BNIP5: variants seen among roughly 807,000 people sequenced by gnomAD.
BNIP5 encodes the protein BCL2 interacting protein 5.
BNIP5 carries 61 observed loss-of-function variants against 67.3 expected under a neutral mutation model. That is an observed-to-expected ratio of 0.91 (90% CI 0.74 to 1.12). The LOEUF is 1.12. Ranked by LOEUF, BNIP5 falls within the 50% of genes most tolerant of loss-of-function variation. The probability of loss-of-function intolerance (pLI) is 0.00; values close to 1 mark genes in which losing one functional copy is unlikely to be tolerated. For missense variants in BNIP5, 826 were observed against 816.3 expected, an observed-to-expected ratio of 1.01 and a Z score of -0.14; for synonymous variants, 317 against 319.0, an observed-to-expected ratio of 0.99 and a Z score of 0.07.
At chr6:36,329,441 A>G (rs1771834653) in intron 2 of BNIP5, among the ~76,000 whole-genome samples, 1 of 152,222 alleles carries the variant, frequency 6.6e-6, no homozygotes, top group Admixed American at 6.5e-5. Flanking sequence ...TCCCTGGGCC[A>G]CACAGCTTGT....
Position 36,316,773 on chromosome 6 carries a change from T to A in BNIP5, c.*583A>T, listed in dbSNP as rs1445145529. ...ATGACAGGACACAGGGTTAGAAGGA[T>A]TCTGAGAGACCAAGTGTCCCCAGTC... On this transcript the variant is annotated 3_prime_UTR_variant, in exon 12 of 12. Transcript: ENST00000437635. 1 of 399,386 alleles carries A rather than the reference T, an allele frequency of 2.5e-6. No individual in the cohort carries two copies. Among genetic ancestry groups the A allele is most frequent in the Non-Finnish European group, 4.4e-6 (1 of 226,728 alleles). The allele number at this position is 399,386 out of a possible 1,614,324, so 24.7% of individuals were successfully genotyped here.
chr6:36,321,673 G>A (rs138842476), intron 9 of BNIP5, among the ~76,000 whole-genome samples: 3 of 152,284 alleles, frequency 2.0e-5, no homozygotes, highest in Admixed American at 6.5e-5. Flanking sequence ...GGGCCTACTC[G>A]TACTAAGTTT....
At chr6:36,324,052 A>G in intron 7 of BNIP5, 77 bp downstream of exon 7, 1 of 1,029,874 alleles carries the variant, frequency 9.7e-7, no homozygotes, top group African/African-American at 1.6e-5. Context: ...AGCAGCAGAG[A>G]CAGGGAAGTT....
chr6:36,326,997 A>G (rs1469373665), intron 4 of BNIP5, 33 bp downstream of exon 4: 13 of 1,590,424 alleles, frequency 8.2e-6, no homozygotes, highest in Non-Finnish European at 1.0e-5. Flanking sequence ...GAAGGCAGAG[A>G]GCCCCTGGAG....
At position 36,325,337 on chromosome 6, in the gene BNIP5, A is replaced by G. The variant is rs1771737459; in HGVS notation, c.1114T>C (p.Ser372Pro). The G allele has an allele frequency of 5.6e-6, 9 of 1,614,110 alleles. No homozygotes were observed. The highest frequency in any genetic ancestry group is 5.9e-6 in the Non-Finnish European group (7 of 1,180,004). ...APGPSVLPTP[S>P]ESQEPGEELP... is the part of the protein sequence containing the mutation. ...TCCTCTCCAGGTTCCTGGCTCTCTG[A>G]TGGGGTGGGAAGCACGGAGGGACCT... is the stretch of plus-strand genomic sequence containing the variant. Residue 372 changes from serine (S) to proline (P), a missense_variant, in exon 6 of 12, where the codon TCA becomes CCA. Ser to Pro is a moderately conservative substitution (Grantham distance 74, BLOSUM62 -1). Transcript: ENST00000437635.
intron 3 of BNIP5, among the ~76,000 whole-genome samples, chr6:36,327,832 G>A (rs1322526874): frequency 6.7e-6 from 1 of 149,076 alleles, no homozygotes; most frequent in Non-Finnish European, 1.5e-5. Context: ...CTGTCTGTGG[G>A]TTTGCTTTTT....
intron 11 of BNIP5, among the ~76,000 whole-genome samples, chr6:36,317,764 T>C (rs1771551865): frequency 6.6e-6 from 1 of 152,192 alleles, no homozygotes; most frequent in Non-Finnish European, 1.5e-5. Flanking sequence ...CACAGCCCTT[T>C]GCACAACTAA....
chr6:36,332,549 T>C (rs532019577), intron 1 of BNIP5, among the ~76,000 whole-genome samples: 2 of 152,354 alleles, frequency 1.3e-5, no homozygotes, highest in African/African-American at 4.8e-5. Context: ...AATGAATAGA[T>C]GTATAACACA....
chr6:36,320,153 T>C (rs748431211), intron 10 of BNIP5, among the ~76,000 whole-genome samples: 1 of 152,178 alleles, frequency 6.6e-6, no homozygotes, highest in Non-Finnish European at 1.5e-5. Flanking sequence ...TCCAACAAGC[T>C]CCTTTCTCTT....
At chr6:36,319,688 T>G in intron 10 of BNIP5, 78 bp from the exon 11 acceptor site, 1 of 1,530,536 alleles carries the variant, frequency 6.5e-7, no homozygotes. Flanking sequence ...CACAACTCCA[T>G]GCAGCCAGGC....
At chr6:36,319,297 A>C in intron 11 of BNIP5, 59 bp downstream of exon 11, 2 of 1,590,548 alleles carry the variant, frequency 1.3e-6, no homozygotes, top group Non-Finnish European at 1.7e-6. Flanking sequence ...ACTGGAGGCC[A>C]GCTGTGAGCC....
At chr6:36,329,613 C>T (rs1055909122) in intron 2 of BNIP5, among the ~76,000 whole-genome samples, 1 of 152,132 alleles carries the variant, frequency 6.6e-6, no homozygotes, top group African/African-American at 2.4e-5. Context: ...GAGTTCAAGA[C>T]CAGCCTGGCC....
chr6:36,335,289 T>C (rs779763046), intron 1 of BNIP5, among the ~76,000 whole-genome samples: 3 of 152,120 alleles, frequency 2.0e-5, no homozygotes, highest in Non-Finnish European at 4.4e-5. Context: ...ACTTCGCGGC[T>C]CCCCTTCTCC....
In BNIP5 at chr6:36,330,365, C is replaced by T. The variant is rs373713570; in HGVS notation, c.326G>A (p.Arg109Lys). 28 of 1,614,076 alleles carry T rather than the reference C, an allele frequency of 1.7e-5. No individual in the cohort carries two copies. The highest frequency in any genetic ancestry group is 2.3e-5 in the Non-Finnish European group (27 of 1,180,050). Residue 109 changes from arginine (R) to lysine (K), a missense_variant, in exon 2 of 12, where the codon AGG (arginine) becomes AAG (lysine). Physicochemically the swap from Arg to Lys is conservative, Grantham distance 26. Transcript: ENST00000437635. ...WLKTMLNFFV[R>K]TGPEEPREKA... ...TTCTCTGGGCTCCTCAGGGCCCGTC[C>T]TCACGAAGAAGTTCAGCATGGTCTT...
At chr6:36,325,043 T>G (rs1771730407) in intron 6 of BNIP5, among the ~76,000 whole-genome samples, 1 of 152,124 alleles carries the variant, frequency 6.6e-6, no homozygotes, top group South Asian at 2.1e-4. Context: ...CTTTCCTCCC[T>G]TTGCCTCCTG....
chr6:36,323,512 C>T lies in BNIP5; in HGVS notation c.1252G>A (p.Glu418Lys), dbSNP rs1340303015. 1.9e-6 allele frequency: 3 copies of T among 1,614,172 alleles called. No homozygotes were observed. Among genetic ancestry groups the T allele is most frequent in the Non-Finnish European group, 2.5e-6 (3 of 1,180,032 alleles). The change falls in exon 8 of 12, where the codon GAG becomes AAG. Residue 418 changes from glutamate to lysine, a missense_variant. By Grantham distance (56) the Glu-to-Lys change is moderately conservative. Transcript: ENST00000437635. ...GEEQPQVQQE[E>K]VGVENPAPHC... Reference sequence around the variant, plus strand: ...GGGGCCGGGTTTTCTACACCCACCTCTTCCTGCTGGACTTGAGGTTGCTGT... The same window carrying T: ...GGGGCCGGGTTTTCTACACCCACCTTTTCCTGCTGGACTTGAGGTTGCTGT...
In BNIP5 at chr6:36,316,506, T is replaced by TA; in HGVS notation, c.*849dup. The TA allele has an allele frequency of 5.0e-6, 2 of 398,650 alleles. No individual in the cohort carries two copies. Among genetic ancestry groups the TA allele is most frequent in the Non-Finnish European group, 8.8e-6 (2 of 226,070 alleles). The allele number at this position is 398,650 out of a possible 1,614,324, so 24.7% of individuals were successfully genotyped here. On this transcript the variant is annotated 3_prime_UTR_variant, in exon 12 of 12. Transcript: ENST00000437635. Reference sequence around the variant, plus strand: ...AAATCCACAATGTCTAGGACATGAATAGTACCTCCTGGAGTATGGTGCTCT... The same window carrying TA: ...AAATCCACAATGTCTAGGACATGAATAAGTACCTCCTGGAGTATGGTGCTCT...
intron 6 of BNIP5, among the ~76,000 whole-genome samples, chr6:36,324,953 G>A (rs1047474763): frequency 6.6e-6 from 1 of 152,074 alleles, no homozygotes; most frequent in Non-Finnish European, 1.5e-5. Flanking sequence ...AGTCCACACA[G>A]CTCAAAGGGG....
Position 36,319,605 on chromosome 6 carries a change from C to T in BNIP5, c.1674G>A (p.Arg558=). 6.2e-7 allele frequency: 1 copy of T among 1,609,974 alleles called. No individual in the cohort carries two copies. Among genetic ancestry groups the T allele is most frequent in the South Asian group, 1.1e-5 (1 of 91,026 alleles). ...AAAACCTCTTAAAGCTGGGGTGGCG[C>T]CTGATCTGGAAGTGGAAATGAAAAC... The part of the protein sequence containing the change: ...EVDGQLGQQI[R]RHPSFKRFFY... Residue 558 remains arginine, a synonymous_variant, in exon 11 of 12, where the codon AGG becomes AGA. Coordinates refer to ENST00000437635, the MANE Select transcript of BNIP5 (RefSeq NM_001010903.5).
Sources: allele counts gnomAD v4.1 joint callset (sites outside exome capture counted in the v4.1 genomes callset), GRCh38; gene constraint gnomAD v4.1.1; transcripts MANE v1.5; gene names NCBI Gene and HGNC (gene_info 2026-07-23, HGNC 2026-07-21).